FRMD3: variants seen among roughly 807,000 people sequenced by gnomAD.
The protein encoded by FRMD3 is FERM domain containing 3.
In FRMD3, 33 loss-of-function variants were observed where a neutral mutation model predicts 70.2. The ratio of observed to expected loss-of-function variants is 0.47; its 90% CI spans 0.36 to 0.63. FRMD3 has a LOEUF of 0.63. FRMD3 is among the 20% of genes least tolerant of loss of function. The pLI is 0.00. For synonymous variants in FRMD3, 279 were observed against 255.9 expected, an observed-to-expected ratio of 1.09 and a Z score of -0.86; for missense variants, 632 against 711.4, an observed-to-expected ratio of 0.89 and a Z score of 1.27.
At chr9:83,351,730 T>TAGAG (rs879390065) in intron 3 of FRMD3, among the ~76,000 whole-genome samples, 133 of 151,452 alleles carry the variant, frequency 8.8e-4, no homozygotes, top group Middle Eastern at 3.4e-3. Context: ...GATAGATAGA[T>TAGAG]AGACATGCCA....
chr9:83,545,358 T>G, the FRMD3 span, among the ~76,000 whole-genome samples: 165 of 50,132 alleles, frequency 3.3e-3, 1 homozygote, highest in African/African-American at 8.2e-3. Context: ...TTTTTTTTGT[T>G]TTTTTTTTTT....
rs1832173575 is a variant in FRMD3, at chr9:83,247,673, T to TA, written c.*244dup. On this transcript the variant is annotated 3_prime_UTR_variant, in exon 14 of 14. Coordinates refer to ENST00000304195, the MANE Select transcript of FRMD3 (RefSeq NM_174938.6). The stretch of plus-strand genomic sequence containing the variant: ...GATGAAGGGTATGTCTACACTATAA[T>TA]AAAAAATAAACATATTTTTGGTTAT... The TA allele has an allele frequency of 2.4e-6, 3 of 1,232,832 alleles. No homozygotes were observed. The highest frequency in any genetic ancestry group is 3.5e-5 in the East Asian group (1 of 28,760). The allele number at this position is 1,232,832 out of a possible 1,614,324, so 76.4% of individuals were successfully genotyped here. A position where few individuals can be genotyped will look rare whatever the true frequency, so the allele number is the denominator to read the frequency against.
At chr9:83,415,619 T>TC (rs1318713727) in intron 1 of FRMD3, among the ~76,000 whole-genome samples, 14 of 147,334 alleles carry the variant, frequency 9.5e-5, no homozygotes, top group East Asian at 2.0e-4. Flanking sequence ...ATTTTCTTTT[T>TC]TTTTTTTTTT....
chr9:83,304,056 T>C (rs866465970), intron 10 of FRMD3, among the ~76,000 whole-genome samples: 3 of 152,244 alleles, frequency 2.0e-5, no homozygotes, highest in Admixed American at 1.3e-4. Context: ...ATCCAAGTTG[T>C]AGTATCAGTT....
chr9:83,579,392 G>A, the FRMD3 span, among the ~76,000 whole-genome samples: 1 of 151,520 alleles, frequency 6.6e-6, no homozygotes, highest in Non-Finnish European at 1.5e-5. Context: ...ATGTTATAAA[G>A]CTATTGTAAT....
At chr9:83,299,268 AT>A in intron 10 of FRMD3, 82 bp from the exon 11 acceptor site, 1 of 780,468 alleles carries the variant, frequency 1.3e-6, no homozygotes, top group Non-Finnish European at 2.2e-6. Context: ...GTGATGGGGT[AT>A]TTTTACTGCA....
At chr9:83,536,294 C>A (rs1829890282) in intron 1 of FRMD3, among the ~76,000 whole-genome samples, 1 of 152,048 alleles carries the variant, frequency 6.6e-6, no homozygotes, top group South Asian at 2.1e-4. Flanking sequence ...CACAAGACAA[C>A]AAATACATGT....
chr9:83,372,909 T>C lies in FRMD3; in HGVS notation c.295+4A>G. ...CAAAAGTAAAGTCACAGATTGACAC[T>C]TACTTTTCATTTGCTTGAAGATGGA... is the stretch of plus-strand genomic sequence containing the variant. On this transcript the variant is annotated splice_donor_region_variant and intron_variant, in intron 3 of 13. Transcript: ENST00000304195. 6.2e-7 allele frequency: 1 copy of C among 1,612,122 alleles called. No individual in the cohort carries two copies. The highest frequency in any genetic ancestry group is 1.3e-5 in the African/African-American group (1 of 74,920).
chr9:83,252,804 A>T (rs1563974463), intron 13 of FRMD3, among the ~76,000 whole-genome samples: 1 of 152,204 alleles, frequency 6.6e-6, no homozygotes, highest in African/African-American at 2.4e-5. Context: ...GTTCAACAGG[A>T]AGAGCTAACT....
At chr9:83,519,955 G>A (rs1476015119) in intron 1 of FRMD3, among the ~76,000 whole-genome samples, 3 of 152,064 alleles carry the variant, frequency 2.0e-5, no homozygotes. Context: ...AGAACATATG[G>A]GCACAGGGAG....
chr9:83,262,675 A>G (rs1587640465), intron 13 of FRMD3, among the ~76,000 whole-genome samples: 1 of 152,262 alleles, frequency 6.6e-6, no homozygotes, highest in African/African-American at 2.4e-5. Flanking sequence ...AGGGGTTCCC[A>G]TATGTGTCAT....
intron 2 of FRMD3, 24 bp downstream of exon 2, chr9:83,389,580 C>A: frequency 6.5e-7 from 1 of 1,530,250 alleles, no homozygotes; most frequent in Non-Finnish European, 9.1e-7. Flanking sequence ...CTGAAAATGG[C>A]TCCAGATAGA....
chr9:83,369,975 G>A (rs371994808), intron 3 of FRMD3, among the ~76,000 whole-genome samples: 1 of 152,016 alleles, frequency 6.6e-6, no homozygotes, highest in Non-Finnish European at 1.5e-5. Flanking sequence ...AAATAATAAC[G>A]CCATGTTTGT....
chr9:83,365,220 T>C (rs1163605049), intron 3 of FRMD3, among the ~76,000 whole-genome samples: 1 of 152,198 alleles, frequency 6.6e-6, no homozygotes, highest in East Asian at 1.9e-4. Flanking sequence ...TTGAGAATTA[T>C]TGAATGTATA....
chr9:83,445,992 T>C (rs1214134487), intron 1 of FRMD3, among the ~76,000 whole-genome samples: 1 of 152,208 alleles, frequency 6.6e-6, no homozygotes, highest in Non-Finnish European at 1.5e-5. Flanking sequence ...AATGACCCTG[T>C]ATGTTTCTGT....
At chr9:83,294,420 T>C (rs987655728) in intron 12 of FRMD3, among the ~76,000 whole-genome samples, 1 of 152,232 alleles carries the variant, frequency 6.6e-6, no homozygotes, top group Admixed American at 6.5e-5. Context: ...GATTACACCT[T>C]CTTACCTAAT....
intron 1 of FRMD3, among the ~76,000 whole-genome samples, chr9:83,522,396 G>C (rs576098237): frequency 2.0e-4 from 30 of 152,188 alleles, no homozygotes; most frequent in South Asian, 1.2e-3. Flanking sequence ...CAGCGGCTGG[G>C]GGGGCAGGGA....
At chr9:83,368,519 T>C (rs759030559) in intron 3 of FRMD3, among the ~76,000 whole-genome samples, 2 of 152,076 alleles carry the variant, frequency 1.3e-5, no homozygotes, top group Non-Finnish European at 2.9e-5. Context: ...TCTTCTAAGT[T>C]CAGAGGAGAA....
At chr9:83,534,675 T>C (rs890630695) in intron 1 of FRMD3, among the ~76,000 whole-genome samples, 6 of 152,192 alleles carry the variant, frequency 3.9e-5, no homozygotes, top group Admixed American at 2.6e-4. Flanking sequence ...GCTACTACTG[T>C]CTGAAATATA....
Sources: allele counts gnomAD v4.1 joint callset (sites outside exome capture counted in the v4.1 genomes callset), GRCh38; gene constraint gnomAD v4.1.1; transcripts MANE v1.5; gene names NCBI Gene and HGNC (gene_info 2026-07-23, HGNC 2026-07-21).